PTPRN2: variants seen among roughly 807,000 people sequenced by gnomAD.
PTPRN2 encodes the protein protein tyrosine phosphatase receptor type N2.
In PTPRN2, 74 loss-of-function variants were observed where a neutral mutation model predicts 118.8. That is an observed-to-expected ratio of 0.62 (90% confidence interval 0.52 to 0.76). The LOEUF (loss-of-function observed/expected upper bound fraction) is 0.76, where lower values mean the gene tolerates loss of function less well. PTPRN2 is among the 30% of genes least tolerant of loss of function. The pLI is 0.00. For synonymous variants in PTPRN2, 641 were observed against 608.0 expected, an observed-to-expected ratio of 1.05 and a Z score of -0.80; for missense variants, 1,481 against 1,394.4, an observed-to-expected ratio of 1.06 and a Z score of -0.99.
chr7:158,151,094 C>G (rs564077276), intron 6 of PTPRN2, among the ~76,000 whole-genome samples: 2 of 57,822 alleles, frequency 3.5e-5, no homozygotes, highest in South Asian at 5.6e-4. Context: ...CCTGCCCAAA[C>G]CGCCCGCCTT....
chr7:158,482,553 A>AT, intron 2 of PTPRN2, among the ~76,000 whole-genome samples: 1 of 152,292 alleles, frequency 6.6e-6, no homozygotes, highest in South Asian at 2.1e-4. Flanking sequence ...AGGCCTGTAC[A>AT]TTGTTTTTTA....
intron 2 of PTPRN2, among the ~76,000 whole-genome samples, chr7:158,376,605 G>A (rs1810539584): frequency 1.3e-5 from 1 of 79,622 alleles, no homozygotes; most frequent in East Asian, 4.6e-4. Context: ...CCTGTCACAC[G>A]TCCTGAGAGG....
At position 158,587,681 on chromosome 7, in the gene PTPRN2, G is replaced by C. The variant is rs903677910; in HGVS notation, c.-12C>G. 2.8e-4 allele frequency: 363 copies of C among 1,314,408 alleles called. No homozygotes were observed. In the African/African-American group the frequency reaches 4.6e-3, roughly 16 times the overall value. 81.4% of individuals were successfully genotyped at this position (1,314,408 alleles called of 1,614,324 possible). A position where few individuals can be genotyped will look rare whatever the true frequency, so the allele number is the denominator to read the frequency against. The stretch of plus-strand genomic sequence containing the variant: ...AGCGGCGGCCCCATCCCCGCGGCCT[G>C]GCCGGCGGCGCTCAGTCCATGGCCG... On this transcript the variant is annotated 5_prime_UTR_variant, in exon 1 of 23. Coordinates refer to ENST00000389418, the MANE Select transcript of PTPRN2 (RefSeq NM_002847.5).
At chr7:158,241,185 C>A (rs1795884422) in intron 3 of PTPRN2, among the ~76,000 whole-genome samples, 1 of 152,210 alleles carries the variant, frequency 6.6e-6, no homozygotes, top group Non-Finnish European at 1.5e-5. Flanking sequence ...CTATAGTTTC[C>A]TTTCATAACA....
At chr7:158,533,227 C>T (rs576358777) in intron 1 of PTPRN2, among the ~76,000 whole-genome samples, 1 of 152,322 alleles carries the variant, frequency 6.6e-6, no homozygotes, top group East Asian at 1.9e-4. Flanking sequence ...ACAGCAACAT[C>T]ATCTTCCTCA....
At position 158,022,613 on chromosome 7, in the gene PTPRN2, G is replaced by A. The variant is rs955705340; in HGVS notation, c.1723+58685C>T. Among the ~76,000 whole-genome samples the A allele has an allele frequency of 1.4e-5, 2 of 142,866 alleles. No individual in the cohort carries two copies. The highest frequency in any genetic ancestry group is 2.6e-5 in the African/African-American group (1 of 38,626). The allele number at this position is 142,866 out of a possible 152,430, so 93.7% of individuals were successfully genotyped here. On this transcript the variant is annotated intron_variant, in intron 11 of 22. Coordinates refer to ENST00000389418, the MANE Select transcript of PTPRN2 (RefSeq NM_002847.5). The surrounding 1 kb of genome is among the most constrained non-coding windows in gnomAD (Gnocchi z 4.6). ...GTAATGTGTTCATAGCCAAGGCCCC[G>A]GCACCCGGGCACTCTGTCTGGGGCA... is the stretch of plus-strand genomic sequence containing the variant.
chr7:158,303,213 T>C (rs1043954113), intron 3 of PTPRN2, among the ~76,000 whole-genome samples: 1 of 150,354 alleles, frequency 6.7e-6, no homozygotes, highest in Non-Finnish European at 1.5e-5. Context: ...TAATTTTCAA[T>C]AATAGGATGT....
At chr7:158,336,732 C>A (rs368594862) in intron 2 of PTPRN2, among the ~76,000 whole-genome samples, 52 of 83,924 alleles carry the variant, frequency 6.2e-4, no homozygotes, top group South Asian at 2.1e-3. Flanking sequence ...AAAGAGCTGA[C>A]GCCCGCAGAC....
intron 2 of PTPRN2, among the ~76,000 whole-genome samples, chr7:158,363,514 C>T (rs902207136): frequency 6.6e-6 from 1 of 152,218 alleles, no homozygotes; most frequent in African/African-American, 2.4e-5. Context: ...GCACACAATT[C>T]CTGGTGAGCG....
intron 11 of PTPRN2, among the ~76,000 whole-genome samples, chr7:157,935,704 C>A (rs945226231): frequency 2.0e-5 from 3 of 152,212 alleles, no homozygotes; most frequent in African/African-American, 7.2e-5. Flanking sequence ...TTGGCGGGTA[C>A]ATCACAGGAA....
intron 12 of PTPRN2, among the ~76,000 whole-genome samples, chr7:157,716,936 A>G (rs113100775): frequency 2.4e-4 from 23 of 97,360 alleles, no homozygotes; most frequent in Non-Finnish European, 4.0e-4. Flanking sequence ...CTGCCTGGCC[A>G]CGTAGACTCT....
At chr7:157,664,317 A>G (rs1005666911) in intron 13 of PTPRN2, among the ~76,000 whole-genome samples, 1 of 152,256 alleles carries the variant, frequency 6.6e-6, no homozygotes, top group Non-Finnish European at 1.5e-5. Flanking sequence ...CAGAACTGCC[A>G]TCAGACGAGA....
chr7:157,782,011 T>C (rs1355703678), intron 12 of PTPRN2, among the ~76,000 whole-genome samples: 6 of 152,116 alleles, frequency 3.9e-5, no homozygotes, highest in Admixed American at 3.9e-4. Context: ...CAGACGGGAG[T>C]AGGTTCCCAG....
At position 158,570,709 on chromosome 7, in the gene PTPRN2, C is replaced by T. The variant is rs935186375; in HGVS notation, c.112+16849G>A. The stretch of plus-strand genomic sequence containing the variant: ...GCACGCGGCTGGGTACGGTTTGCAA[C>T]GCCGAGAGCCCGCGGAGAAGCTTGA... On this transcript the variant is annotated intron_variant, in intron 1 of 22. Coordinates refer to ENST00000389418, the MANE Select transcript of PTPRN2 (RefSeq NM_002847.5). This position sits in a 1 kb window ranked among gnomAD's most constrained non-coding sequence, Gnocchi z 4.5. Among the ~76,000 whole-genome samples, 75 of 152,216 alleles carry T rather than the reference C, an allele frequency of 4.9e-4. No homozygotes were observed. Among genetic ancestry groups the T allele is most frequent in the Admixed American group, 2.6e-4 (4 of 15,278 alleles).
rs1182097868 is a variant in PTPRN2, at chr7:157,764,398, T to C, written c.1789-81461A>G. Among the ~76,000 whole-genome samples, 1 of 152,218 alleles carries C rather than the reference T, an allele frequency of 6.6e-6. No homozygotes were observed. Among genetic ancestry groups the C allele is most frequent in the African/African-American group, 2.4e-5 (1 of 41,464 alleles). On this transcript the variant is annotated intron_variant, in intron 12 of 22. Coordinates refer to ENST00000389418, the MANE Select transcript of PTPRN2 (RefSeq NM_002847.5). This position sits in a 1 kb window ranked among gnomAD's most constrained non-coding sequence, Gnocchi z 4.5. ...CACACATGGGAATATTACTCAGCAC[T>C]GAAAAGGCAGAGATTTTGGATGCAG...
At chr7:158,037,890 C>A (rs1366135692) in intron 11 of PTPRN2, among the ~76,000 whole-genome samples, 3 of 152,226 alleles carry the variant, frequency 2.0e-5, no homozygotes, top group African/African-American at 7.2e-5. Context: ...CACCAAGTGT[C>A]TACTCTGTAC....
chr7:158,417,952 A>G (rs1214901559), intron 2 of PTPRN2, among the ~76,000 whole-genome samples: 1 of 149,942 alleles, frequency 6.7e-6, no homozygotes, highest in Non-Finnish European at 1.5e-5. Flanking sequence ...ATGGTGTACT[A>G]CATCGAGATG....
chr7:158,173,778 C>T (rs1361996979), intron 5 of PTPRN2, among the ~76,000 whole-genome samples: 1 of 152,304 alleles, frequency 6.6e-6, no homozygotes, highest in East Asian at 1.9e-4. Flanking sequence ...AGGATTATTC[C>T]TTGCTGGGAA....
chr7:158,169,042 G>T (rs142416168), intron 5 of PTPRN2, among the ~76,000 whole-genome samples: 1 of 152,236 alleles, frequency 6.6e-6, no homozygotes, highest in East Asian at 1.9e-4. Flanking sequence ...CCTCCTTGGG[G>T]CACATGATCA....
Sources: gnomAD v4.1 joint callset for allele counts (sites outside exome capture counted in the v4.1 genomes callset) on GRCh38, gnomAD v4.1.1 for gene constraint, Gnocchi (gnomAD v3.1) non-coding constraint, MANE v1.5 for transcripts, NCBI Gene and HGNC (gene_info 2026-07-23, HGNC 2026-07-21) for gene names.